Variants in SHISA9 observed in about 807,000 individuals in gnomAD.
SHISA9 encodes the protein shisa family member 9.
A neutral mutation model predicts 38.0 loss-of-function variants in SHISA9; 13 were observed. The observed-to-expected ratio is 0.34, with a 90% CI of 0.22 to 0.54. The LOEUF (loss-of-function observed/expected upper bound fraction) is 0.54, where lower values mean the gene tolerates loss of function less well. Among genes scored for constraint, SHISA9 ranks in the 20% least tolerant of loss-of-function variants. The probability of loss-of-function intolerance (pLI) is 0.91; values close to 1 mark genes in which losing one functional copy is unlikely to be tolerated. For synonymous variants in SHISA9, 275 were observed against 242.0 expected (o/e 1.14, Z -1.27); for missense variants, 538 against 575.8 (o/e 0.93, Z 0.67).
chr16:13,513,563 A>G, the SHISA9 span, among the ~76,000 whole-genome samples: 2 of 152,232 alleles, frequency 1.3e-5, no homozygotes, highest in Non-Finnish European at 2.9e-5. Flanking sequence ...AGTACTTACA[A>G]TAGCAAAGAC....
At chr16:13,063,945 C>G (rs2073405105) in intron 2 of SHISA9, among the ~76,000 whole-genome samples, 1 of 152,184 alleles carries the variant, frequency 6.6e-6, no homozygotes, top group Non-Finnish European at 1.5e-5. Flanking sequence ...TTGGCTCTGC[C>G]CTACCAAGGA....
At chr16:13,049,523 TC>T (rs1567195151) in intron 2 of SHISA9, among the ~76,000 whole-genome samples, 1 of 152,110 alleles carries the variant, frequency 6.6e-6, no homozygotes, top group African/African-American at 2.4e-5. Context: ...TGTGGTTATT[TC>T]CCCCACTGAA....
chr16:12,945,924 G>A (rs1474593275), intron 2 of SHISA9, among the ~76,000 whole-genome samples: 1 of 152,202 alleles, frequency 6.6e-6, no homozygotes, highest in Admixed American at 6.5e-5. Context: ...GACTAGCCTG[G>A]CCAACATGGC....
intron 2 of SHISA9, among the ~76,000 whole-genome samples, chr16:12,964,460 A>C (rs1471858983): frequency 1.3e-5 from 2 of 152,164 alleles, no homozygotes; most frequent in African/African-American, 2.4e-5. Context: ...AAAAGTTCAA[A>C]GGTACAGTGG....
the SHISA9 span, among the ~76,000 whole-genome samples, chr16:13,264,584 T>A: frequency 1.3e-5 from 2 of 152,184 alleles, no homozygotes; most frequent in African/African-American, 4.8e-5. Context: ...AAAGGTTAAC[T>A]TCTTGCTAGT....
the SHISA9 span, among the ~76,000 whole-genome samples, chr16:13,472,298 C>T: frequency 6.6e-6 from 1 of 150,410 alleles, no homozygotes; most frequent in Non-Finnish European, 1.5e-5. Context: ...TCTGTCCCCT[C>T]ATTTGGGGAA....
chr16:13,251,510 G>T, the SHISA9 span, among the ~76,000 whole-genome samples: 4 of 152,046 alleles, frequency 2.6e-5, no homozygotes, highest in African/African-American at 9.7e-5. Flanking sequence ...TAATGGTTGC[G>T]GGGAGAGGGG....
chr16:13,427,971 T>C, the SHISA9 span, among the ~76,000 whole-genome samples: 1 of 152,152 alleles, frequency 6.6e-6, no homozygotes, highest in Admixed American at 6.5e-5. Context: ...TTTCCAGAAG[T>C]GTATATGAGG....
At chr16:12,942,723 C>T (rs755128805) in intron 2 of SHISA9, among the ~76,000 whole-genome samples, 18 of 152,214 alleles carry the variant, frequency 1.2e-4, no homozygotes, top group Non-Finnish European at 2.5e-4. Context: ...CAGAAGCGCA[C>T]AGCCACATTT....
intron 1 of SHISA9, among the ~76,000 whole-genome samples, chr16:12,912,025 C>T (rs1191264979): frequency 1.3e-5 from 2 of 152,230 alleles, no homozygotes; most frequent in Admixed American, 6.5e-5. Context: ...ATCCCAGCGA[C>T]GGGACTGCTG....
At chr16:13,187,438 G>A (rs187669215) in intron 2 of SHISA9, among the ~76,000 whole-genome samples, 7 of 148,422 alleles carry the variant, frequency 4.7e-5, no homozygotes, top group Admixed American at 6.9e-5. Context: ...GTGTTCAAGC[G>A]ATTCTCCTGT....
At chr16:13,254,854 T>C in the SHISA9 span, among the ~76,000 whole-genome samples, 1 of 152,186 alleles carries the variant, frequency 6.6e-6, no homozygotes, top group African/African-American at 2.4e-5. Flanking sequence ...TGAGCAGGTG[T>C]TGCCCAGAGG....
chr16:13,070,684 G>T (rs2073503194), intron 2 of SHISA9, among the ~76,000 whole-genome samples: 1 of 152,206 alleles, frequency 6.6e-6, no homozygotes, highest in South Asian at 2.1e-4. Flanking sequence ...GTCACTGTTT[G>T]CTAAGCTCTT....
chr16:13,210,363 T>C (rs913174235), intron 3 of SHISA9, among the ~76,000 whole-genome samples: 4 of 152,166 alleles, frequency 2.6e-5, no homozygotes, highest in African/African-American at 9.7e-5. Context: ...ACCTTGGCCA[T>C]TGAGTATAAG....
chr16:13,071,439 A>G (rs1212100683), intron 2 of SHISA9, among the ~76,000 whole-genome samples: 4 of 152,156 alleles, frequency 2.6e-5, no homozygotes, highest in African/African-American at 4.8e-5. Flanking sequence ...GCTGAGGCTC[A>G]GAACATTGAG....
chr16:13,370,762 T>G, the SHISA9 span, among the ~76,000 whole-genome samples: 123 of 152,216 alleles, frequency 8.1e-4, no homozygotes, highest in African/African-American at 2.7e-3. Flanking sequence ...TTGAATGGGT[T>G]TGCATTAAAT....
At chr16:13,377,141 G>T in the SHISA9 span, among the ~76,000 whole-genome samples, 1 of 152,142 alleles carries the variant, frequency 6.6e-6, no homozygotes, top group African/African-American at 2.4e-5. Context: ...TGGAGAAATG[G>T]GTGAGCCCCA....
chr16:13,073,973 T>TG (rs1022361185), intron 2 of SHISA9, among the ~76,000 whole-genome samples: 7 of 148,528 alleles, frequency 4.7e-5, no homozygotes, highest in Middle Eastern at 3.2e-3. Context: ...TTTTTTGTTT[T>TG]TTTTTTTTGT....
the SHISA9 span, among the ~76,000 whole-genome samples, chr16:13,397,737 G>T: frequency 6.6e-6 from 1 of 152,066 alleles, no homozygotes; most frequent in African/African-American, 2.4e-5. Flanking sequence ...CCCGGCCACA[G>T]TGTGCTCTTC....
Sources: allele counts gnomAD v4.1 joint callset (sites outside exome capture counted in the v4.1 genomes callset), GRCh38; gene constraint gnomAD v4.1.1; transcripts MANE v1.5; gene names NCBI Gene and HGNC (gene_info 2026-07-23, HGNC 2026-07-21).